SNTG1: variants seen among roughly 807,000 people sequenced by gnomAD.
The protein encoded by SNTG1 is syntrophin gamma 1.
In SNTG1, 39 loss-of-function variants were observed where a neutral mutation model predicts 74.7. The ratio of observed to expected loss-of-function variants is 0.52; its 90% confidence interval spans 0.40 to 0.68. The LOEUF (loss-of-function observed/expected upper bound fraction) is 0.68, where lower values mean the gene tolerates loss of function less well. Among genes scored for constraint, SNTG1 ranks in the 30% least tolerant of loss-of-function variants. The pLI is 0.00. For synonymous variants in SNTG1, 254 were observed against 217.1 expected (o/e 1.17, Z -1.49); for missense variants, 685 against 609.5 (o/e 1.12, Z -1.30).
chr8:50,609,029 G>C (rs2094832110), intron 13 of SNTG1, among the ~76,000 whole-genome samples: 1 of 151,906 alleles, frequency 6.6e-6, no homozygotes. Flanking sequence ...TTACATGCAT[G>C]TATAAACTCA....
chr8:50,054,177 T>C (rs1819826961), intron 1 of SNTG1, among the ~76,000 whole-genome samples: 1 of 152,116 alleles, frequency 6.6e-6, no homozygotes, highest in African/African-American at 2.4e-5. Flanking sequence ...TATTATTTAA[T>C]GGACTCCAAC....
chr8:50,660,342 G>GAA (rs1563708089), intron 15 of SNTG1, among the ~76,000 whole-genome samples: 8 of 127,856 alleles, frequency 6.3e-5, no homozygotes, highest in African/African-American at 2.1e-4. Flanking sequence ...AAGAAAGAAA[G>GAA]AGAAAGAAAG....
chr8:50,545,988 A>C (rs2094384877), intron 11 of SNTG1, among the ~76,000 whole-genome samples: 1 of 152,166 alleles, frequency 6.6e-6, no homozygotes, highest in Non-Finnish European at 1.5e-5. Flanking sequence ...ACCTACAGGA[A>C]TGTATATTTT....
intron 15 of SNTG1, among the ~76,000 whole-genome samples, chr8:50,685,235 A>C (rs1378790483): frequency 1.3e-5 from 2 of 152,126 alleles, no homozygotes; most frequent in African/African-American, 4.8e-5. Flanking sequence ...TTCCTCCAAG[A>C]GATTGGTTAA....
At chr8:49,971,896 C>A (rs1357915759) in intron 1 of SNTG1, among the ~76,000 whole-genome samples, 1 of 152,154 alleles carries the variant, frequency 6.6e-6, no homozygotes, top group African/African-American at 2.4e-5. Flanking sequence ...ACATTCCATG[C>A]TCATGGGTAG....
intron 1 of SNTG1, among the ~76,000 whole-genome samples, chr8:49,969,393 T>G (rs1488942213): frequency 8.0e-6 from 1 of 124,552 alleles, no homozygotes; most frequent in Non-Finnish European, 1.7e-5. Flanking sequence ...TAATCTTTTT[T>G]TTTTTTTTTT....
chr8:50,617,378 T>TCACACACACACACACA (rs3999830), intron 13 of SNTG1, among the ~76,000 whole-genome samples: 2 of 146,948 alleles, frequency 1.4e-5, no homozygotes, highest in Admixed American at 6.8e-5. Context: ...AGTAAGCATT[T>TCACACACACACACACA]CACACACACA....
intron 4 of SNTG1, among the ~76,000 whole-genome samples, chr8:50,407,933 G>A (rs1178294695): frequency 6.6e-6 from 1 of 152,122 alleles, no homozygotes; most frequent in Non-Finnish European, 1.5e-5. Context: ...GGTCTGGGTG[G>A]CATTAGCTGG....
chr8:49,932,517 A>C (rs1807685836), intron 1 of SNTG1, among the ~76,000 whole-genome samples: 1 of 152,044 alleles, frequency 6.6e-6, no homozygotes, highest in African/African-American at 2.4e-5. Context: ...CATGGTTTCT[A>C]TCCATCTCAA....
At chr8:50,707,782 T>G (rs2095448419) in intron 16 of SNTG1, 1 of 295,046 alleles carries the variant, frequency 3.4e-6, no homozygotes, top group Non-Finnish European at 6.2e-6. Flanking sequence ...CACTACGATT[T>G]AAAATTAAAT....
chr8:50,054,707 C>T (rs931165032), intron 1 of SNTG1, among the ~76,000 whole-genome samples: 14 of 152,028 alleles, frequency 9.2e-5, no homozygotes, highest in Non-Finnish European at 1.6e-4. Context: ...GGTTTTACTC[C>T]GTTCCCCAAG....
intron 1 of SNTG1, among the ~76,000 whole-genome samples, chr8:50,098,890 T>C (rs1007716616): frequency 1.3e-5 from 2 of 152,116 alleles, no homozygotes; most frequent in Non-Finnish European, 2.9e-5. Flanking sequence ...AGAAGACAGG[T>C]ACTCATTACA....
rs772461147 is a variant in SNTG1, at chr8:50,704,690, G to C, written c.1129G>C (p.Asp377His). 1.2e-6 allele frequency: 2 copies of C among 1,614,166 alleles called. No homozygotes were observed. Among genetic ancestry groups the C allele is most frequent in the Non-Finnish European group, 1.7e-6 (2 of 1,180,024 alleles). ...DLYFSVELES[D>H]LAQWERAFQT... Reference sequence around the variant, plus strand: ...GTACTTCTCAGTGGAGCTGGAAAGTGACCTCGCCCAGTGGGAAAGAGCCTT... The same window carrying C: ...GTACTTCTCAGTGGAGCTGGAAAGTCACCTCGCCCAGTGGGAAAGAGCCTT... The change falls in exon 16 of 19, where the codon GAC becomes CAC. Residue 377 changes from aspartate (D) to histidine (H), a missense_variant. Asp to His is a moderately conservative substitution (Grantham distance 81). Coordinates refer to ENST00000642720, the MANE Select transcript of SNTG1 (RefSeq NM_018967.5).
intron 11 of SNTG1, among the ~76,000 whole-genome samples, chr8:50,538,363 A>G (rs1210015333): frequency 6.6e-6 from 1 of 152,128 alleles, no homozygotes; most frequent in African/African-American, 2.4e-5. Flanking sequence ...ATCTTTCTGA[A>G]TTTCAAAGCT....
At chr8:50,232,095 A>G (rs954873154) in intron 2 of SNTG1, among the ~76,000 whole-genome samples, 2 of 151,420 alleles carry the variant, frequency 1.3e-5, no homozygotes, top group Non-Finnish European at 3.0e-5. Context: ...TAATGAAGCT[A>G]GCACTACTGT....
At chr8:50,135,641 A>C (rs999525513) in intron 1 of SNTG1, among the ~76,000 whole-genome samples, 2 of 152,112 alleles carry the variant, frequency 1.3e-5, no homozygotes, top group Non-Finnish European at 2.9e-5. Context: ...AAAAAAATTC[A>C]ATGAATTTTA....
rs1381048539 is a variant in SNTG1 at position 50,376,756 on chromosome 8, T to TATATATATAGAGAGAG, written c.-27-17455_-27-17454insTATATATAGAGAGAGA. Among the ~76,000 whole-genome samples the TATATATATAGAGAGAG allele has an allele frequency of 6.9e-3, 617 of 89,780 alleles. 4 individuals carry two copies. The highest frequency in any genetic ancestry group is 0.011 in the Non-Finnish European group (472 of 44,510). The allele number at this position is 89,780 out of a possible 152,430, so 58.9% of individuals were successfully genotyped here. A position where few individuals can be genotyped will look rare whatever the true frequency, so the allele number is the denominator to read the frequency against. ...ATATATATATATATATATATATATA[T>TATATATATAGAGAGAG]AGAGAGAGAGAGAGAGAGAGAGAGA... On this transcript the variant is annotated intron_variant, in intron 2 of 18. Coordinates refer to ENST00000642720, the MANE Select transcript of SNTG1 (RefSeq NM_018967.5).
intron 13 of SNTG1, among the ~76,000 whole-genome samples, chr8:50,614,644 A>G (rs1008332312): frequency 2.0e-5 from 3 of 152,166 alleles, no homozygotes; most frequent in African/African-American, 7.2e-5. Context: ...AAGCATGAGT[A>G]AATTTTAATT....
intron 13 of SNTG1, 66 bp downstream of exon 13, chr8:50,590,983 T>G (rs2094688152): frequency 9.0e-7 from 1 of 1,114,352 alleles, no homozygotes; most frequent in Non-Finnish European, 1.3e-6. Context: ...TTATAGAAGA[T>G]AACGTTACCT....
Sources: gnomAD v4.1 joint callset for allele counts (sites outside exome capture counted in the v4.1 genomes callset) on GRCh38, gnomAD v4.1.1 for gene constraint, MANE v1.5 for transcripts, NCBI Gene and HGNC (gene_info 2026-07-23, HGNC 2026-07-21) for gene names.